Variants in VTCN1 observed in about 807,000 individuals in gnomAD.
VTCN1 encodes V-set domain containing T cell activation inhibitor 1, also known as V-set domain-containing T-cell activation inhibitor 1.
In VTCN1, 26 loss-of-function variants were observed where a neutral mutation model predicts 26.5. The ratio of observed to expected loss-of-function variants is 0.98; its 90% CI spans 0.72 to 1.36. The LOEUF is 1.36. VTCN1 is among the 40% of genes most tolerant of loss of function. VTCN1 has a pLI of 0.00. For synonymous variants in VTCN1, 116 were observed against 130.7 expected (o/e 0.89, Z 0.77); for missense variants, 298 against 337.7 (o/e 0.88, Z 0.92).
At chr1:117,171,797 T>C (rs1652931196) in intron 1 of VTCN1, among the ~76,000 whole-genome samples, 1 of 152,182 alleles carries the variant, frequency 6.6e-6, no homozygotes, top group African/African-American at 2.4e-5. Context: ...GCATCTTCCC[T>C]AAAGTCACAC....
chr1:117,178,537 C>T (rs1400340808), intron 1 of VTCN1, among the ~76,000 whole-genome samples: 10 of 148,052 alleles, frequency 6.8e-5, no homozygotes, highest in African/African-American at 7.5e-5. Context: ...GGATTGCAGG[C>T]GTGAGCCACT....
rs753065170 is a variant in VTCN1 at position 117,153,336 on chromosome 1, T to G, written c.479A>C (p.Asn160Thr). The G allele has an allele frequency of 6.2e-7, 1 of 1,612,362 alleles. No homozygotes were observed. ...FSMPEVNVDY[N>T]ASSETLRCEA... is the part of the protein sequence containing the mutation. ...ACACCGCAAGGTCTCTGAGCTGGCATTATAGTCCACATTCACTTCCGGCAT... is the reference window on the plus strand; with the variant it reads ...ACACCGCAAGGTCTCTGAGCTGGCAGTATAGTCCACATTCACTTCCGGCAT... The change falls in exon 4 of 6, where the codon AAT becomes ACT. Residue 160 changes from asparagine to threonine, a missense_variant. Asn to Thr is a moderately conservative substitution (Grantham distance 65). Coordinates refer to ENST00000369458, the MANE Select transcript of VTCN1 (RefSeq NM_024626.4).
chr1:117,165,230 T>C (rs1020117731), intron 2 of VTCN1, among the ~76,000 whole-genome samples: 1 of 152,220 alleles, frequency 6.6e-6, no homozygotes, highest in Non-Finnish European at 1.5e-5. Flanking sequence ...CTTCCACACA[T>C]TTCTCATCTC....
At position 117,161,564 on chromosome 1, in the gene VTCN1, G is replaced by C. The variant is rs764108357; in HGVS notation, c.98-4643C>G. Among the ~76,000 whole-genome samples, 1 of 152,136 alleles carries C rather than the reference G, an allele frequency of 6.6e-6. No homozygotes were observed. Among genetic ancestry groups the C allele is most frequent in the Non-Finnish European group, 1.5e-5 (1 of 68,028 alleles). On this transcript the variant is annotated intron_variant, in intron 2 of 5. Coordinates refer to ENST00000369458, the MANE Select transcript of VTCN1 (RefSeq NM_024626.4). This position sits in a 1 kb window ranked among gnomAD's most constrained non-coding sequence, Gnocchi z 4.3. ...AGCAGAAACTGTCTTAATCCTATCT[G>C]TAAGTCCTGTAGTGCCTAGAGCTAT...
rs892392124 is a variant in VTCN1 at position 117,145,995 on chromosome 1, A to G, written c.*46-770T>C. Among the ~76,000 whole-genome samples the G allele has an allele frequency of 6.6e-6, 1 of 152,196 alleles. No individual in the cohort carries two copies. The highest frequency in any genetic ancestry group is 2.4e-5 in the African/African-American group (1 of 41,448). On this transcript the variant is annotated intron_variant, in intron 5 of 5. Coordinates refer to ENST00000369458, the MANE Select transcript of VTCN1 (RefSeq NM_024626.4). This position sits in a 1 kb window ranked among gnomAD's most constrained non-coding sequence, Gnocchi z 4.6. ...GTTATTCCTCTATGGTGCCAGGGAG[A>G]AAGAGGTGGACTGCAGCTAACTGGG...
At chr1:117,207,533 G>T (rs1023683957) in intron 1 of VTCN1, among the ~76,000 whole-genome samples, 2 of 151,696 alleles carry the variant, frequency 1.3e-5, no homozygotes, top group Admixed American at 6.6e-5. Context: ...CATGCTCTCC[G>T]TAGGAGCCAC....
chr1:117,170,176 G>T lies in VTCN1; in HGVS notation c.33-5C>A, dbSNP rs183745227. 1.9e-6 allele frequency: 3 copies of T among 1,613,114 alleles called. No homozygotes were observed. In the African/African-American group the frequency reaches 4.0e-5, roughly 22 times the overall value. ...ATAATGATGATGCTAATTATGCTAC[G>T]GGAAGAGAGAGAGAAACAGAAAATT... On this transcript the variant is annotated splice_region_variant and splice_polypyrimidine_tract_variant and intron_variant, in intron 1 of 5. Coordinates refer to ENST00000369458, the MANE Select transcript of VTCN1 (RefSeq NM_024626.4).
chr1:117,156,573 C>G lies in VTCN1; in HGVS notation c.445+1G>C, dbSNP rs1291744483. The G allele has an allele frequency of 6.4e-7, 1 of 1,563,008 alleles. No individual in the cohort carries two copies. Among genetic ancestry groups the G allele is most frequent in the African/African-American group, 1.4e-5 (1 of 73,222 alleles). On this transcript the variant is annotated splice_donor_variant, in intron 3 of 5. Transcript: ENST00000369458. LOFTEE classifies it high-confidence loss of function. The stretch of plus-strand genomic sequence containing the variant: ...AAAATCTCTCTCCAAAAGTAACTCA[C>G]CTCCAGTTTTATACTCAAGGTTAGC...
intron 1 of VTCN1, among the ~76,000 whole-genome samples, chr1:117,185,053 G>C (rs907384010): frequency 6.6e-6 from 1 of 152,122 alleles, no homozygotes; most frequent in Non-Finnish European, 1.5e-5. Context: ...TCTTGACTTA[G>C]ACTTAAGAAG....
chr1:117,172,130 A>G (rs2101526474), intron 1 of VTCN1, among the ~76,000 whole-genome samples: 1 of 152,308 alleles, frequency 6.6e-6, no homozygotes, highest in African/African-American at 2.4e-5. Flanking sequence ...ATGTTACTCA[A>G]TAGGCAGGAC....
chr1:117,179,858 T>C (rs572440943), intron 1 of VTCN1, among the ~76,000 whole-genome samples: 11 of 152,302 alleles, frequency 7.2e-5, no homozygotes, highest in Admixed American at 4.6e-4. Flanking sequence ...ACTATTATCT[T>C]TGTTTTATAG....
At chr1:117,154,839 G>GC (rs1401797908) in intron 3 of VTCN1, among the ~76,000 whole-genome samples, 1 of 149,336 alleles carries the variant, frequency 6.7e-6, no homozygotes, top group Non-Finnish European at 1.5e-5. Context: ...CGGAGAAACC[G>GC]CCAATGGTAT....
chr1:117,166,854 G>C (rs1440643696), intron 2 of VTCN1, among the ~76,000 whole-genome samples: 3 of 151,806 alleles, frequency 2.0e-5, no homozygotes, highest in African/African-American at 7.3e-5. Flanking sequence ...CACTGTGGGA[G>C]GTCGAGGTGG....
intron 1 of VTCN1, chr1:117,172,393 C>G (rs752883282): frequency 1.2e-5 from 6 of 518,664 alleles, no homozygotes; most frequent in Admixed American, 5.8e-5. Flanking sequence ...TTGGCCACTG[C>G]TCCTCTTTTC....
intron 2 of VTCN1, among the ~76,000 whole-genome samples, chr1:117,160,234 C>T (rs550088318): frequency 6.6e-6 from 1 of 152,236 alleles, no homozygotes; most frequent in South Asian, 2.1e-4. Context: ...GTGTTCAGGT[C>T]TAGTTCCTGT....
intron 1 of VTCN1, among the ~76,000 whole-genome samples, chr1:117,208,739 G>A (rs1649219337): frequency 6.6e-6 from 1 of 152,188 alleles, no homozygotes; most frequent in Non-Finnish European, 1.5e-5. Context: ...ACAGAGGCCA[G>A]GCACGGTAAA....
At chr1:117,191,821 G>A (rs1448033850) in intron 1 of VTCN1, among the ~76,000 whole-genome samples, 1 of 152,052 alleles carries the variant, frequency 6.6e-6, no homozygotes, top group Non-Finnish European at 1.5e-5. Context: ...GCTGGGCATG[G>A]TGAAAAACAC....
intron 1 of VTCN1, among the ~76,000 whole-genome samples, chr1:117,184,773 G>A (rs951871249): frequency 6.6e-6 from 1 of 152,142 alleles, no homozygotes; most frequent in African/African-American, 2.4e-5. Context: ...AGAGGCTAAG[G>A]ACCACAGCAA....
rs1651567615 is a variant in VTCN1, at chr1:117,147,470, C to T, written c.*45+143G>A. 3.2e-6 allele frequency: 2 copies of T among 632,674 alleles called. No individual in the cohort carries two copies. The highest frequency in any genetic ancestry group is 3.8e-5 in the African/African-American group (2 of 53,318). 39.2% of individuals were successfully genotyped at this position (632,674 alleles called of 1,614,324 possible). ...GCTGACCTAACAAATGATTACCTTT[C>T]CCAGTACTAGTGGAAATAATGTCAC... On this transcript the variant is annotated intron_variant, in intron 5 of 5. Transcript: ENST00000369458. This position sits in a 1 kb window ranked among gnomAD's most constrained non-coding sequence, Gnocchi z 4.6.
Sources: allele counts gnomAD v4.1 joint callset (sites outside exome capture counted in the v4.1 genomes callset), GRCh38; gene constraint gnomAD v4.1.1; non-coding constraint Gnocchi (gnomAD v3.1); transcripts MANE v1.5; gene names NCBI Gene and HGNC (gene_info 2026-07-23, HGNC 2026-07-21).